USP34: variants seen among roughly 807,000 people sequenced by gnomAD.
The protein encoded by USP34 is ubiquitin specific peptidase 34.
USP34 carries 70 observed loss-of-function variants against 460.3 expected under a neutral mutation model. That is an observed-to-expected ratio of 0.15 (90% confidence interval 0.13 to 0.19). The LOEUF (loss-of-function observed/expected upper bound fraction) is 0.19. USP34 is among the 10% of genes least tolerant of loss of function. USP34 has a pLI of 1.00. For missense variants in USP34, 3,985 were observed against 4,236.2 expected (o/e 0.94, Z 1.65); for synonymous variants, 1,647 against 1,405.3 (o/e 1.17, Z -3.85).
chr2:61,306,020 A>G (rs899231237), intron 27 of USP34, among the ~76,000 whole-genome samples: 13 of 152,236 alleles, frequency 8.5e-5, no homozygotes, highest in East Asian at 3.9e-4. Context: ...ATTTCCTCCC[A>G]TTCTGTAGGT....
intron 48 of USP34, among the ~76,000 whole-genome samples, chr2:61,251,179 C>G (rs1377422186): frequency 1.3e-5 from 2 of 152,046 alleles, no homozygotes; most frequent in African/African-American, 4.8e-5. Context: ...ATAAACGAAT[C>G]TACTGTAAAA....
intron 41 of USP34, among the ~76,000 whole-genome samples, chr2:61,268,252 G>A (rs577395423): frequency 1.7e-4 from 26 of 151,582 alleles, no homozygotes; most frequent in Middle Eastern, 3.4e-3. Flanking sequence ...AAACTGGGCC[G>A]GGTACAATGG....
chr2:61,413,347 C>T (rs1174444894), intron 2 of USP34, among the ~76,000 whole-genome samples: 6 of 151,822 alleles, frequency 4.0e-5, no homozygotes, highest in Non-Finnish European at 7.4e-5. Flanking sequence ...GCCAAGATCG[C>T]GCCATTGCAC....
chr2:61,294,826 T>A, intron 32 of USP34, 123 bp downstream of exon 32: 1 of 822,430 alleles, frequency 1.2e-6, no homozygotes, highest in Non-Finnish European at 1.9e-6. Context: ...ACATGATTTT[T>A]AAACTATGCT....
intron 48 of USP34, among the ~76,000 whole-genome samples, chr2:61,256,011 G>A (rs138296225): frequency 1.1e-3 from 160 of 152,192 alleles, no homozygotes; most frequent in Non-Finnish European, 1.6e-3. Flanking sequence ...TCTATTGTGG[G>A]GTCTTGCAAC....
intron 21 of USP34, among the ~76,000 whole-genome samples, chr2:61,320,988 C>G: frequency 6.6e-6 from 1 of 151,370 alleles, no homozygotes; most frequent in South Asian, 2.1e-4. Flanking sequence ...CCATCCTGTG[C>G]GACAAGAGCA....
chr2:61,286,375 G>C (rs1689689912), intron 34 of USP34, among the ~76,000 whole-genome samples: 1 of 151,914 alleles, frequency 6.6e-6, no homozygotes, highest in African/African-American at 2.4e-5. Flanking sequence ...AATAACATTG[G>C]CCCAGAGCGG....
chr2:61,451,868 A>G (rs1479016296), intron 1 of USP34, among the ~76,000 whole-genome samples: 1 of 152,114 alleles, frequency 6.6e-6, no homozygotes, highest in Non-Finnish European at 1.5e-5. Flanking sequence ...ACAAATCCAT[A>G]AAAGCTAGAA....
intron 44 of USP34, 123 bp from the exon 45 acceptor site, chr2:61,257,473 G>A: frequency 1.5e-6 from 1 of 689,034 alleles, no homozygotes; most frequent in Non-Finnish European, 2.1e-6. Flanking sequence ...GTTTTAAATG[G>A]TTGCTTCTAT....
intron 68 of USP34, 144 bp from the exon 69 acceptor site, chr2:61,212,073 G>C: frequency 8.7e-7 from 1 of 1,148,972 alleles, no homozygotes; most frequent in Non-Finnish European, 1.2e-6. Context: ...TATAAAATCA[G>C]TAACAAATTC....
chr2:61,451,507 A>T (rs1558602765), intron 1 of USP34, among the ~76,000 whole-genome samples: 1 of 151,420 alleles, frequency 6.6e-6, no homozygotes, highest in Non-Finnish European at 1.5e-5. Context: ...CAAGAGAGAA[A>T]CCCCGTCTCT....
intron 72 of USP34, among the ~76,000 whole-genome samples, chr2:61,204,952 G>C (rs1216521184): frequency 6.6e-6 from 1 of 152,112 alleles, no homozygotes; most frequent in Non-Finnish European, 1.5e-5. Flanking sequence ...GCTCCTGGGT[G>C]CAAGTGATCC....
chr2:61,229,424 C>G (rs1455862268), intron 59 of USP34, 124 bp downstream of exon 59: 2 of 643,272 alleles, frequency 3.1e-6, no homozygotes, highest in Non-Finnish European at 4.7e-6. Flanking sequence ...GAGTTTGAGA[C>G]CAGCCTGGGC....
At chr2:61,201,176 G>A (rs1024676047) in intron 75 of USP34, among the ~76,000 whole-genome samples, 9 of 150,626 alleles carry the variant, frequency 6.0e-5, no homozygotes, top group Non-Finnish European at 2.9e-5. Context: ...TATGCATGGT[G>A]GTACAGTCAA....
chr2:61,446,301 TG>T (rs1262189879), intron 1 of USP34, among the ~76,000 whole-genome samples: 5 of 152,176 alleles, frequency 3.3e-5, no homozygotes, highest in Non-Finnish European at 5.9e-5. Flanking sequence ...TAAGTGCTTC[TG>T]TACTCCATCA....
intron 2 of USP34, chr2:61,416,842 G>C: frequency 2.9e-6 from 1 of 350,518 alleles, no homozygotes; most frequent in African/African-American, 2.3e-5. Context: ...ACAGGAAGTA[G>C]AATGTATTGG....
At chr2:61,344,793 A>C (rs1691714090) in intron 15 of USP34, among the ~76,000 whole-genome samples, 1 of 152,190 alleles carries the variant, frequency 6.6e-6, no homozygotes, top group Non-Finnish European at 1.5e-5. Flanking sequence ...ATAGTGAGCC[A>C]GTGGTTCCCA....
chr2:61,362,596 A>G (rs1692308279), intron 10 of USP34, among the ~76,000 whole-genome samples: 1 of 152,212 alleles, frequency 6.6e-6, no homozygotes, highest in Admixed American at 6.5e-5. Flanking sequence ...CACTTACATG[A>G]TGAATTTAAA....
At chr2:61,338,059 C>T (rs182256512) in intron 18 of USP34, among the ~76,000 whole-genome samples, 161 of 152,320 alleles carry the variant, frequency 1.1e-3, no homozygotes, top group African/African-American at 3.5e-3. Context: ...CAGTGACTCA[C>T]GCCTGTAATC....
Sources: allele counts gnomAD v4.1 joint callset (sites outside exome capture counted in the v4.1 genomes callset), GRCh38; gene constraint gnomAD v4.1.1; transcripts MANE v1.5; gene names NCBI Gene and HGNC (gene_info 2026-07-23, HGNC 2026-07-21).